DDHD1: variants seen among roughly 807,000 people sequenced by gnomAD.
DDHD1 encodes DDHD domain containing 1.
In DDHD1, 49 loss-of-function variants were observed where a neutral mutation model predicts 96.4. The ratio of observed to expected loss-of-function variants is 0.51; its 90% CI spans 0.40 to 0.64. The LOEUF is 0.64. DDHD1 is among the 30% of genes least tolerant of loss of function. The pLI is 0.00. For missense variants in DDHD1, 1,106 were observed against 1,161.2 expected (o/e 0.95, Z 0.69); for synonymous variants, 442 against 446.5 (o/e 0.99, Z 0.13).
chr14:53,094,059 C>T (rs1329425578), intron 2 of DDHD1, among the ~76,000 whole-genome samples: 1 of 152,042 alleles, frequency 6.6e-6, no homozygotes, highest in Non-Finnish European at 1.5e-5. Context: ...CGCCTGTAGT[C>T]CCAGCTACTC....
intron 9 of DDHD1, among the ~76,000 whole-genome samples, chr14:53,057,040 T>A (rs546642356): frequency 1.3e-5 from 2 of 152,330 alleles, no homozygotes; most frequent in East Asian, 3.9e-4. Context: ...ATCATACAGA[T>A]AAGATACAAT....
intron 1 of DDHD1, among the ~76,000 whole-genome samples, chr14:53,124,809 A>G (rs1290275847): frequency 2.0e-5 from 3 of 152,228 alleles, no homozygotes; most frequent in African/African-American, 7.2e-5. Context: ...ACAAAATACT[A>G]AAGATTGAGC....
At chr14:53,075,477 GAAGAA>G (rs1329333628) in intron 4 of DDHD1, among the ~76,000 whole-genome samples, 3 of 152,122 alleles carry the variant, frequency 2.0e-5, no homozygotes, top group Non-Finnish European at 4.4e-5. Context: ...AGAAGCTACC[GAAGAA>G]AAGTTTGAAG....
intron 1 of DDHD1, 138 bp downstream of exon 1, chr14:53,152,123 C>G: frequency 2.1e-5 from 18 of 842,050 alleles, no homozygotes; most frequent in South Asian, 1.2e-4. Flanking sequence ...GCTCCCTGCT[C>G]AATCTCCATC....
intron 2 of DDHD1, among the ~76,000 whole-genome samples, chr14:53,099,479 G>A (rs145078427): frequency 6.6e-6 from 1 of 152,184 alleles, no homozygotes; most frequent in East Asian, 1.9e-4. Flanking sequence ...GAAGACTGCT[G>A]GTCAGTCAGT....
intron 4 of DDHD1, among the ~76,000 whole-genome samples, chr14:53,089,636 C>CTGGCTAGCCATATGT (rs1566555428): frequency 8.5e-5 from 13 of 152,066 alleles, no homozygotes; most frequent in African/African-American, 2.9e-4. Context: ...TAGCCATATG[C>CTGGCTAGCCATATGT]AGAAAGCTGA....
chr14:53,075,753 G>T (rs572778358), intron 4 of DDHD1, among the ~76,000 whole-genome samples: 2 of 152,314 alleles, frequency 1.3e-5, no homozygotes, highest in African/African-American at 4.8e-5. Flanking sequence ...AATGCAGCTG[G>T]TAACTTGGAA....
At chr14:53,145,759 G>A (rs1023879366) in intron 1 of DDHD1, among the ~76,000 whole-genome samples, 3 of 152,186 alleles carry the variant, frequency 2.0e-5, no homozygotes, top group Non-Finnish European at 4.4e-5. Context: ...GGATTTTCCA[G>A]TATCTGAGGT....
chr14:53,152,107 G>C (rs1891432444), intron 1 of DDHD1, among the ~76,000 whole-genome samples, 154 bp downstream of exon 1: 1 of 152,150 alleles, frequency 6.6e-6, no homozygotes, highest in Non-Finnish European at 1.5e-5. Flanking sequence ...CCCTTCAGCT[G>C]CCGACGCTCC....
Position 53,040,204 on chromosome 14 carries a change from C to G in DDHD1, c.*6564G>C, listed in dbSNP as rs991782070. ...CAGAGCTATGGTCACTGACTGAACC[C>G]TGGACTGAGAAATTGTGAATGAACC... On this transcript the variant is annotated 3_prime_UTR_variant, in exon 13 of 13. Coordinates refer to ENST00000673822, the MANE Select transcript of DDHD1 (RefSeq NM_001160148.2). 2.0e-5 allele frequency: 3 copies of G among 152,148 alleles called. No homozygotes were observed. Among genetic ancestry groups the G allele is most frequent in the African/African-American group, 7.2e-5 (3 of 41,444 alleles). The allele number at this position is 152,148 out of a possible 1,614,324, so 9.4% of individuals were successfully genotyped here.
intron 1 of DDHD1, among the ~76,000 whole-genome samples, chr14:53,131,951 ACCTCAAC>A (rs1443516569): frequency 6.6e-6 from 1 of 151,808 alleles, no homozygotes; most frequent in Non-Finnish European, 1.5e-5. Flanking sequence ...AATCTCCCAA[ACCTCAAC>A]CCCTTCTACA....
Position 53,062,844 on chromosome 14 carries a change from G to C in DDHD1, c.1766+99C>G, listed in dbSNP as rs1322178687. ...TAGTAATCTTTGTATCTTGAACAAT[G>C]CATTATTTCTTTATCATGAAATTCT... On this transcript the variant is annotated intron_variant, in intron 7 of 12. Transcript: ENST00000673822. 2.4e-6 allele frequency: 3 copies of C among 1,241,982 alleles called. No homozygotes were observed. The East Asian group carries it at 7.4e-5, about 31-fold the overall frequency. 76.9% of individuals were successfully genotyped at this position (1,241,982 alleles called of 1,614,324 possible).
chr14:53,108,002 A>G (rs1887825360), intron 1 of DDHD1, among the ~76,000 whole-genome samples: 1 of 152,224 alleles, frequency 6.6e-6, no homozygotes, highest in South Asian at 2.1e-4. Flanking sequence ...TCAAGCCAGC[A>G]ACAGCTACCC....
chr14:53,067,159 T>TC (rs916295328), intron 6 of DDHD1, among the ~76,000 whole-genome samples: 1 of 150,056 alleles, frequency 6.7e-6, no homozygotes, highest in African/African-American at 2.4e-5. Context: ...TCCTTTTCTT[T>TC]TTTTTTTTTT....
intron 10 of DDHD1, among the ~76,000 whole-genome samples, chr14:53,055,337 AAGTAG>A (rs1882948487): frequency 6.6e-6 from 1 of 152,236 alleles, no homozygotes; most frequent in African/African-American, 2.4e-5. Flanking sequence ...ACAGATGAGC[AAGTAG>A]AGCATTAAAA....
intron 1 of DDHD1, among the ~76,000 whole-genome samples, chr14:53,125,734 C>G (rs1274141638): frequency 1.3e-5 from 2 of 149,452 alleles, no homozygotes; most frequent in Admixed American, 6.7e-5. Context: ...TGGAATCTCG[C>G]CCTGTCACCC....
intron 1 of DDHD1, among the ~76,000 whole-genome samples, chr14:53,108,873 C>T (rs970100217): frequency 6.6e-6 from 1 of 152,182 alleles, no homozygotes; most frequent in African/African-American, 2.4e-5. Flanking sequence ...TTGGTTGGAG[C>T]ACTGAGATGC....
Position 53,073,757 on chromosome 14 carries a change from T to A in DDHD1, c.1380A>T (p.Lys460Asn), listed in dbSNP as rs2139917761. The A allele has an allele frequency of 6.2e-7, 1 of 1,608,430 alleles. No individual in the cohort carries two copies. Among genetic ancestry groups the A allele is most frequent in the Admixed American group, 1.7e-5 (1 of 59,518 alleles). ...TAAATATACCTCCATCAAGAGTAAGTTTTGACCGCCACTCAACAGGCAGAA... is the reference window on the plus strand; with the variant it reads ...TAAATATACCTCCATCAAGAGTAAGATTTGACCGCCACTCAACAGGCAGAA... ...VEFLPVEWRSKLTLDGDTVDS... is the reference protein window; with the variant it reads ...VEFLPVEWRSNLTLDGDTVDS... Residue 460 changes from lysine (K) to asparagine (N), a missense_variant, in exon 5 of 13, where the codon AAA becomes AAT. By Grantham distance (94) the Lys-to-Asn change is moderately conservative. This residue lies in a region of DDHD1 where 650 missense variants were observed against 758.8 expected (regional missense o/e 0.86). Coordinates refer to ENST00000673822, the MANE Select transcript of DDHD1 (RefSeq NM_001160148.2).
chr14:53,150,150 C>T (rs1891245356), intron 1 of DDHD1: 1 of 151,912 alleles, frequency 6.6e-6, no homozygotes, highest in Non-Finnish European at 1.5e-5. Context: ...CAGGTGTAGA[C>T]CTCACTTCCT....
Sources: gnomAD v4.1 joint callset for allele counts (sites outside exome capture counted in the v4.1 genomes callset) on GRCh38, gnomAD v4.1.1 for gene constraint, gnomAD v4.1.1 regional missense constraint, MANE v1.5 for transcripts, NCBI Gene and HGNC (gene_info 2026-07-23, HGNC 2026-07-21) for gene names.